The following DENND3 variants were observed in gnomAD, a reference collection of about 807,000 sequenced individuals.
The protein encoded by DENND3 is DENN domain containing 3, also known as DENN domain-containing protein 3.
DENND3 carries 88 observed loss-of-function variants against 135.1 expected under a neutral mutation model. That is an observed-to-expected ratio of 0.65 (90% CI 0.55 to 0.78). The LOEUF (loss-of-function observed/expected upper bound fraction) is 0.78. DENND3 is among the 30% of genes least tolerant of loss of function. The probability of loss-of-function intolerance (pLI) is 0.00; values close to 1 mark genes in which losing one functional copy is unlikely to be tolerated. For synonymous variants in DENND3, 693 were observed against 712.3 expected (o/e 0.97, Z 0.43); for missense variants, 1,392 against 1,688.4 (o/e 0.82, Z 3.08).
At chr8:141,172,672 T>C (rs1475751450) in intron 13 of DENND3, among the ~76,000 whole-genome samples, 2 of 152,206 alleles carry the variant, frequency 1.3e-5, no homozygotes, top group Admixed American at 1.3e-4. Flanking sequence ...CTCCTTTTCC[T>C]GTTTCTTGGG....
chr8:141,158,088 A>G (rs1295011415), intron 8 of DENND3: 3 of 1,243,926 alleles, frequency 2.4e-6, no homozygotes, highest in Admixed American at 2.8e-5. Flanking sequence ...TTGTTCTTGC[A>G]TCTTAAAAAA....
chr8:141,167,064 G>A lies in DENND3; in HGVS notation c.1753+675G>A, dbSNP rs990264446. ...CCTGATCACTGTGCTGGGACCCCAG[G>A]AGCTGCACGAGTGACACCTTGATGA... On this transcript the variant is annotated intron_variant, in intron 12 of 22. Transcript: ENST00000519811. This position sits in a 1 kb window ranked among gnomAD's most constrained non-coding sequence, Gnocchi z 4.1. Among the ~76,000 whole-genome samples the A allele has an allele frequency of 2.7e-4, 41 of 152,218 alleles. No homozygotes were observed. The highest frequency in any genetic ancestry group is 3.1e-4 in the Non-Finnish European group (21 of 68,032).
At chr8:141,142,302 C>T (rs562151897) in intron 4 of DENND3, 12 of 445,886 alleles carry the variant, frequency 2.7e-5, no homozygotes, top group Admixed American at 1.5e-4. Flanking sequence ...GATTAAAGGC[C>T]GAGGAGAAAG....
chr8:141,134,791 G>A (rs1294844190), intron 1 of DENND3, among the ~76,000 whole-genome samples: 2 of 152,112 alleles, frequency 1.3e-5, no homozygotes, highest in Non-Finnish European at 2.9e-5. Flanking sequence ...TGTTGGCTGT[G>A]CGTTTTCTGT....
In DENND3 at chr8:141,189,113, A is replaced by G. The variant is rs2154613532; in HGVS notation, c.3212A>G (p.Asp1071Gly). Reference protein sequence around the residue: ...QLTAHCSSVTDLIVQDGQEAP... With the variant: ...QLTAHCSSVTGLIVQDGQEAP... ...ACAGCCCACTGCTCCAGTGTCACGG[A>G]TTTGATTGTGCAGGACGGACAGGAG... Residue 1071 changes from aspartate (D) to glycine (G), a missense_variant, in exon 19 of 23, where the codon GAT becomes GGT. Asp to Gly is a moderately conservative substitution (Grantham distance 94, BLOSUM62 -1). Coordinates refer to ENST00000519811, the MANE Select transcript of DENND3 (RefSeq NM_001352890.3). 5 of 1,614,224 alleles carry G rather than the reference A, an allele frequency of 3.1e-6. No individual in the cohort carries two copies. In the East Asian group the frequency reaches 8.9e-5, roughly 29 times the overall value.
rs746614895 is a variant in DENND3 at position 141,190,445 on chromosome 8, G to A, written c.3379+28G>A. On this transcript the variant is annotated intron_variant, in intron 20 of 22. Transcript: ENST00000519811. ...AAGTCCGGCCCCTGCCATCAGAGCG[G>A]GCACCCTACCTCCCTGCTCTGGGAA... The A allele has an allele frequency of 9.4e-6, 15 of 1,588,522 alleles. No individual in the cohort carries two copies. In the South Asian group the frequency reaches 1.6e-4, roughly 17 times the overall value.
chr8:141,174,885 G>A lies in DENND3; in HGVS notation c.2276-315G>A, dbSNP rs555450598. Among the ~76,000 whole-genome samples, 46 of 152,120 alleles carry A rather than the reference G, an allele frequency of 3.0e-4. No homozygotes were observed. Among genetic ancestry groups the A allele is most frequent in the African/African-American group, 1.0e-3 (43 of 41,378 alleles). ...ATTAGAAGAGTGTCCTTGTCCGGAA[G>A]GACTTTCCTACCCAAAGGTAAGAGT... is the stretch of plus-strand genomic sequence containing the variant. On this transcript the variant is annotated intron_variant, in intron 13 of 22. Transcript: ENST00000519811. This position sits in a 1 kb window ranked among gnomAD's most constrained non-coding sequence, Gnocchi z 4.6.
intron 6 of DENND3, among the ~76,000 whole-genome samples, chr8:141,151,367 C>G (rs1818778544): frequency 6.6e-6 from 1 of 152,116 alleles, no homozygotes; most frequent in Non-Finnish European, 1.5e-5. Context: ...TGAGAACAGC[C>G]TGAGCAACAT....
At chr8:141,187,075 G>A (rs1002493586) in intron 18 of DENND3, among the ~76,000 whole-genome samples, 1 of 150,264 alleles carries the variant, frequency 6.7e-6, no homozygotes, top group South Asian at 2.1e-4. Flanking sequence ...AAATATTTTC[G>A]CATCTACACT....
chr8:141,133,132 G>C (rs980301958), intron 1 of DENND3, among the ~76,000 whole-genome samples: 2 of 152,196 alleles, frequency 1.3e-5, no homozygotes, highest in Admixed American at 6.5e-5. Context: ...GTGAGCGTGG[G>C]GGGTGGAGGG....
At chr8:141,147,094 G>T (rs1163918670) in intron 5 of DENND3, among the ~76,000 whole-genome samples, 1 of 152,192 alleles carries the variant, frequency 6.6e-6, no homozygotes, top group Non-Finnish European at 1.5e-5. Flanking sequence ...GTGACTGAGG[G>T]TTGCCGCTGG....
intron 18 of DENND3, chr8:141,185,545 T>C (rs985886703): frequency 5.3e-6 from 2 of 375,080 alleles, no homozygotes; most frequent in Non-Finnish European, 9.9e-6. Flanking sequence ...CATCTAAAAA[T>C]AGATTGCAGG....
chr8:141,160,688 C>A lies in DENND3; in HGVS notation c.1253C>A (p.Thr418Lys). 1.9e-6 allele frequency: 3 copies of A among 1,613,440 alleles called. No homozygotes were observed. The highest frequency in any genetic ancestry group is 2.5e-6 in the Non-Finnish European group (3 of 1,179,864). ...CACGCCGCCCACCTCCTCTCCAGCA[C>A]AGACCTGAAGGAGGGCCGAGCCCAC... is the stretch of plus-strand genomic sequence containing the variant. ...ELHAAHLLSS[T>K]DLKEGRAHRR... The change falls in exon 9 of 23, where the codon ACA (threonine) becomes AAA (lysine). Residue 418 changes from threonine (T) to lysine (K), a missense_variant. Coordinates refer to ENST00000519811, the MANE Select transcript of DENND3 (RefSeq NM_001352890.3).
Position 141,141,399 on chromosome 8 carries a change from G to A in DENND3, c.623+75G>A. 2 of 1,552,456 alleles carry A rather than the reference G, an allele frequency of 1.3e-6. No individual in the cohort carries two copies. Among genetic ancestry groups the A allele is most frequent in the South Asian group, 2.3e-5 (2 of 88,446 alleles). ...CCTCTCCAGGTGAGCCAAGGGACCA[G>A]GGGGCTGGAGGTGGTGGGGGGGCAG... On this transcript the variant is annotated intron_variant, in intron 4 of 22. Coordinates refer to ENST00000519811, the MANE Select transcript of DENND3 (RefSeq NM_001352890.3). The surrounding 1 kb of genome is among the most constrained non-coding windows in gnomAD (Gnocchi z 5.3).
In DENND3 at chr8:141,151,651, C is replaced by T. The variant is rs373705581; in HGVS notation, c.888C>T (p.Ile296=). The stretch of plus-strand genomic sequence containing the variant: ...CATGCATCCTGACGGAACAGCGGAT[C>T]GTCTTCTTCTCCTCGGACTGGGCTC... ...ILTCILTEQR[I]VFFSSDWALL... Residue 296 remains isoleucine (I), a synonymous_variant, in exon 7 of 23, where the codon ATC becomes ATT. Transcript: ENST00000519811. 39 of 1,613,832 alleles carry T rather than the reference C, an allele frequency of 2.4e-5. No homozygotes were observed. The highest frequency in any genetic ancestry group is 1.5e-4 in the South Asian group (14 of 91,080).
At position 141,151,793 on chromosome 8, in the gene DENND3, T is replaced by A. The variant is rs928858016; in HGVS notation, c.1030T>A (p.Phe344Ile). 1 of 1,614,116 alleles carries A rather than the reference T, an allele frequency of 6.2e-7. No individual in the cohort carries two copies. The highest frequency in any genetic ancestry group is 8.5e-7 in the Non-Finnish European group (1 of 1,180,048). The change falls in exon 7 of 23, where the codon TTC (phenylalanine) becomes ATC (isoleucine). Residue 344 changes from phenylalanine (F) to isoleucine (I), a missense_variant. Physicochemically the swap from Phe to Ile is conservative, Grantham distance 21. Coordinates refer to ENST00000519811, the MANE Select transcript of DENND3 (RefSeq NM_001352890.3). ...MLDFVMAPTS[F>I]LMGCHLDHFE... ...GGATTTCGTCATGGCCCCCACGTCCTTCCTGATGGGCTGCCATCTCGACCA... is the reference window on the plus strand; with the variant it reads ...GGATTTCGTCATGGCCCCCACGTCCATCCTGATGGGCTGCCATCTCGACCA...
intron 8 of DENND3, among the ~76,000 whole-genome samples, chr8:141,159,353 C>T (rs1819844143): frequency 6.6e-6 from 1 of 152,156 alleles, no homozygotes; most frequent in Non-Finnish European, 1.5e-5. Context: ...CTGACCTGGC[C>T]CACACTCCCA....
chr8:141,180,468 A>G (rs1822946603), intron 16 of DENND3, among the ~76,000 whole-genome samples: 1 of 152,174 alleles, frequency 6.6e-6, no homozygotes, highest in Admixed American at 6.5e-5. Context: ...GTGTTTAAAC[A>G]AAGGCAGCTC....
intron 10 of DENND3, among the ~76,000 whole-genome samples, chr8:141,164,320 A>G (rs1820502661): frequency 1.3e-5 from 2 of 152,228 alleles, no homozygotes; most frequent in Non-Finnish European, 2.9e-5. Flanking sequence ...TGTGACTATT[A>G]CAAAAAAATA....
Sources: gnomAD v4.1 joint callset for allele counts (sites outside exome capture counted in the v4.1 genomes callset) on GRCh38, gnomAD v4.1.1 for gene constraint, Gnocchi (gnomAD v3.1) non-coding constraint, MANE v1.5 for transcripts, NCBI Gene and HGNC (gene_info 2026-07-23, HGNC 2026-07-21) for gene names.